PERP: variants seen among roughly 807,000 people sequenced by gnomAD.
The protein encoded by PERP is p53 apoptosis effector related to PMP22, also known as p53 apoptosis effector related to PMP-22.
Under a neutral mutation model 20.3 loss-of-function variants are expected in PERP, and 11 were observed. The ratio of observed to expected loss-of-function variants is 0.54; its 90% CI spans 0.34 to 0.90. PERP has a LOEUF of 0.90. Ranked by LOEUF, PERP falls within the 40% of genes least tolerant of loss-of-function variation. PERP has a pLI of 0.02. For missense variants in PERP, 224 were observed against 249.4 expected (o/e 0.90, Z 0.69); for synonymous variants, 101 against 102.0 (o/e 0.99, Z 0.06).
At chr6:138,106,541 A>C (rs1200492869) in intron 1 of PERP, among the ~76,000 whole-genome samples, 1 of 152,266 alleles carries the variant, frequency 6.6e-6, no homozygotes, top group Non-Finnish European at 1.5e-5. Flanking sequence ...TGCCATGCTT[A>C]AACCAAAGGA....
At chr6:138,097,890 C>T (rs148122175) in intron 1 of PERP, among the ~76,000 whole-genome samples, 1 of 152,156 alleles carries the variant, frequency 6.6e-6, no homozygotes, top group Non-Finnish European at 1.5e-5. Context: ...TGCCCATTAG[C>T]AGTCACCCTC....
At chr6:138,099,190 A>C (rs1316287260) in intron 1 of PERP, among the ~76,000 whole-genome samples, 1 of 152,224 alleles carries the variant, frequency 6.6e-6, no homozygotes, top group African/African-American at 2.4e-5. Context: ...AGCACCCAAG[A>C]ATCTGCATGT....
chr6:138,104,831 T>G (rs1371770981), intron 1 of PERP, among the ~76,000 whole-genome samples: 3 of 152,140 alleles, frequency 2.0e-5, no homozygotes, highest in African/African-American at 4.8e-5. Context: ...TCATTTTAGA[T>G]AAAGTACAAG....
At chr6:138,096,597 T>A (rs560236599) in intron 1 of PERP, 103 bp from the exon 2 acceptor site, 2 of 1,309,810 alleles carry the variant, frequency 1.5e-6, no homozygotes, top group East Asian at 2.6e-5. Flanking sequence ...TCCCTACTAG[T>A]TACATTTGGA....
At chr6:138,099,182 C>G (rs1775738490) in intron 1 of PERP, among the ~76,000 whole-genome samples, 1 of 152,156 alleles carries the variant, frequency 6.6e-6, no homozygotes, top group African/African-American at 2.4e-5. Flanking sequence ...TGAGTGGTAG[C>G]ACCCAAGAAT....
rs1368247011 is a variant in PERP, at chr6:138,090,597, T to TATGAAGGTAGGGA, written c.*1444_*1445insTCCCTACCTTCAT. 1.3e-5 allele frequency: 2 copies of TATGAAGGTAGGGA among 152,388 alleles called. No individual in the cohort carries two copies. Among genetic ancestry groups the TATGAAGGTAGGGA allele is most frequent in the African/African-American group, 2.4e-5 (1 of 41,446 alleles). 9.4% of individuals were successfully genotyped at this position (152,388 alleles called of 1,614,324 possible). On this transcript the variant is annotated 3_prime_UTR_variant, in exon 3 of 3. Transcript: ENST00000421351. The stretch of plus-strand genomic sequence containing the variant: ...TTGAGGAAAAGTTCAGGGAATAGAC[T>TATGAAGGTAGGGA]ATTAGAATTCATTAATCTCCACTCA...
chr6:138,098,259 T>C (rs1228830662), intron 1 of PERP, among the ~76,000 whole-genome samples: 1 of 152,196 alleles, frequency 6.6e-6, no homozygotes, highest in Non-Finnish European at 1.5e-5. Context: ...GCAGCACAGC[T>C]GACAGTATTT....
chr6:138,107,047 C>T lies in PERP; in HGVS notation c.214+80G>A. 7.1e-7 allele frequency: 1 copy of T among 1,403,594 alleles called. No individual in the cohort carries two copies. 86.9% of individuals were successfully genotyped at this position (1,403,594 alleles called of 1,614,324 possible). ...TGGCTCCCCCGACCCTGTGAGGGCC[C>T]ATCACGCGCGGCGGCTTTTGCAGGC... On this transcript the variant is annotated intron_variant, in intron 1 of 2. Coordinates refer to ENST00000421351, the MANE Select transcript of PERP (RefSeq NM_022121.5). The surrounding 1 kb of genome is among the most constrained non-coding windows in gnomAD (Gnocchi z 4.8).
Position 138,107,195 on chromosome 6 carries a change from C to T in PERP, c.146G>A (p.Trp49Ter). Residue 49 changes from tryptophan to a stop codon, truncating the protein, a stop_gained, in exon 1 of 3, where the codon TGG becomes TAG. Coordinates refer to ENST00000421351, the MANE Select transcript of PERP (RefSeq NM_022121.5). LOFTEE classifies it high-confidence loss of function. The surrounding 1 kb of genome is among the most constrained non-coding windows in gnomAD (Gnocchi z 4.8). Reference sequence around the variant, plus strand: ...GCCGCCGCCCTCTTGGGAGCATTTCCACCACAGCGAGGACGTCTGGCCGTG... The same window carrying T: ...GCCGCCGCCCTCTTGGGAGCATTTCTACCACAGCGAGGACGTCTGGCCGTG... ...SDHGQTSSLWWKCSQEGGGSG... is the reference protein window; with the variant it reads ...SDHGQTSSLW The T allele has an allele frequency of 6.2e-7, 1 of 1,612,374 alleles. No individual in the cohort carries two copies. The highest frequency in any genetic ancestry group is 8.5e-7 in the Non-Finnish European group (1 of 1,179,616).
At position 138,094,942 on chromosome 6, in the gene PERP, A is replaced by G. The variant is rs571295375; in HGVS notation, c.355+1412T>C. On this transcript the variant is annotated intron_variant, in intron 2 of 2. Transcript: ENST00000421351. ...CACCATGTTGGCCAGGCTGGTCTCG[A>G]ACTCCTGACCTCAAGTGATCTGCCT... is the stretch of plus-strand genomic sequence containing the variant. Among the ~76,000 whole-genome samples, 7 of 152,266 alleles carry G rather than the reference A, an allele frequency of 4.6e-5. No homozygotes were observed. In the South Asian group the frequency reaches 1.2e-3, roughly 27 times the overall value.
Position 138,091,193 on chromosome 6 carries a change from G to A in PERP, c.*849C>T, listed in dbSNP as rs1283360606. The stretch of plus-strand genomic sequence containing the variant: ...TTGTGACAAGAATGACCCTCCTAAT[G>A]CTTTACTACACAACTTAACCAGATC... On this transcript the variant is annotated 3_prime_UTR_variant, in exon 3 of 3. Transcript: ENST00000421351. 1 of 152,088 alleles carries A rather than the reference G, an allele frequency of 6.6e-6. No individual in the cohort carries two copies. The highest frequency in any genetic ancestry group is 1.5e-5 in the Non-Finnish European group (1 of 68,018). 9.4% of individuals were successfully genotyped at this position (152,088 alleles called of 1,614,324 possible).
At chr6:138,105,969 T>A (rs1435191274) in intron 1 of PERP, among the ~76,000 whole-genome samples, 2 of 152,202 alleles carry the variant, frequency 1.3e-5, no homozygotes, top group Non-Finnish European at 2.9e-5. Flanking sequence ...GGGACCATGC[T>A]TCCTTTTGTG....
rs1482237066 is a variant in PERP, at chr6:138,090,501, T to C, written c.*1541A>G. The C allele has an allele frequency of 6.6e-6, 1 of 152,188 alleles. No individual in the cohort carries two copies. Among genetic ancestry groups the C allele is most frequent in the Non-Finnish European group, 1.5e-5 (1 of 68,052 alleles). The allele number at this position is 152,188 out of a possible 1,614,324, so 9.4% of individuals were successfully genotyped here. ...CGGGTGTCTGAACCTGCCAGAAATC[T>C]CTTAGTCCATTTTCCTCTGGTTGAT... On this transcript the variant is annotated 3_prime_UTR_variant, in exon 3 of 3. Coordinates refer to ENST00000421351, the MANE Select transcript of PERP (RefSeq NM_022121.5).
intron 1 of PERP, among the ~76,000 whole-genome samples, chr6:138,098,558 C>G (rs548586508): frequency 6.6e-6 from 1 of 152,266 alleles, no homozygotes; most frequent in African/African-American, 2.4e-5. Context: ...TTATTTTCTT[C>G]TACATTCGCA....
chr6:138,093,358 T>C (rs891122626), intron 2 of PERP, among the ~76,000 whole-genome samples: 1 of 151,976 alleles, frequency 6.6e-6, no homozygotes, highest in Non-Finnish European at 1.5e-5. Context: ...CAGATGTACC[T>C]TGAAGTAGTT....
In PERP at chr6:138,107,315, T is replaced by C; in HGVS notation, c.26A>G (p.Glu9Gly). 3.1e-6 allele frequency: 5 copies of C among 1,603,298 alleles called. No individual in the cohort carries two copies. The highest frequency in any genetic ancestry group is 4.2e-6 in the Non-Finnish European group (5 of 1,177,618). Residue 9 changes from glutamate (E) to glycine (G), a missense_variant, in exon 1 of 3, where the codon GAG becomes GGG. By Grantham distance (98) the Glu-to-Gly change is moderately conservative. Coordinates refer to ENST00000421351, the MANE Select transcript of PERP (RefSeq NM_022121.5). This position sits in a 1 kb window ranked among gnomAD's most constrained non-coding sequence, Gnocchi z 4.8. ...CAGGGGCAGGATCCAGCGGCAGCGCTCGCAGGCCAGGCCGCAGCGGATCAT... is the reference window on the plus strand; with the variant it reads ...CAGGGGCAGGATCCAGCGGCAGCGCCCGCAGGCCAGGCCGCAGCGGATCAT... MIRCGLAC[E>G]RCRWILPLLL...
At chr6:138,094,108 A>G (rs943330295) in intron 2 of PERP, among the ~76,000 whole-genome samples, 1 of 152,190 alleles carries the variant, frequency 6.6e-6, no homozygotes, top group African/African-American at 2.4e-5. Flanking sequence ...GAGTTTTACT[A>G]GGATATTTTT....
At chr6:138,102,992 G>A (rs1311627002) in intron 1 of PERP, among the ~76,000 whole-genome samples, 2 of 151,578 alleles carry the variant, frequency 1.3e-5, no homozygotes, top group African/African-American at 4.8e-5. Flanking sequence ...CGAGCTACTC[G>A]GGAGGCTCAG....
chr6:138,104,424 A>T (rs1395851217), intron 1 of PERP, among the ~76,000 whole-genome samples: 1 of 152,226 alleles, frequency 6.6e-6, no homozygotes, highest in East Asian at 1.9e-4. Flanking sequence ...TGAAATTCTT[A>T]AACTGTCAGT....
Sources: allele counts gnomAD v4.1 joint callset (sites outside exome capture counted in the v4.1 genomes callset), GRCh38; gene constraint gnomAD v4.1.1; non-coding constraint Gnocchi (gnomAD v3.1); transcripts MANE v1.5; gene names NCBI Gene and HGNC (gene_info 2026-07-23, HGNC 2026-07-21).